Variants in ADGRV1 observed in about 807,000 individuals in gnomAD.
ADGRV1 encodes the protein adhesion G protein-coupled receptor V1, also known as G-protein coupled receptor 98.
A neutral mutation model predicts 596.2 loss-of-function variants in ADGRV1; 359 were observed. The ratio of observed to expected loss-of-function variants is 0.60; its 90% confidence interval spans 0.55 to 0.66. The LOEUF (loss-of-function observed/expected upper bound fraction) is 0.66, where lower values mean the gene tolerates loss of function less well. Among genes scored for constraint, ADGRV1 ranks in the 30% least tolerant of loss-of-function variants. ADGRV1 has a pLI of 0.00. For missense variants in ADGRV1, 7,274 were observed against 7,575.6 expected, an observed-to-expected ratio of 0.96 and a Z score of 1.48; for synonymous variants, 2,681 against 2,679.2, an observed-to-expected ratio of 1.00 and a Z score of -0.02.
intron 85 of ADGRV1, among the ~76,000 whole-genome samples, chr5:90,989,018 A>G (rs1358212803): frequency 6.6e-6 from 1 of 151,842 alleles, no homozygotes; most frequent in Non-Finnish European, 1.5e-5. Context: ...TATGTACCAC[A>G]TTTTCTTAAT....
At chr5:90,973,005 A>G (rs1372635369) in intron 84 of ADGRV1, among the ~76,000 whole-genome samples, 2 of 152,198 alleles carry the variant, frequency 1.3e-5, no homozygotes, top group African/African-American at 2.4e-5. Context: ...TGCAATAAAA[A>G]TTAATAAAGG....
At position 91,043,578 on chromosome 5, in the gene ADGRV1, CTG is replaced by C. The variant is rs148481562; in HGVS notation, c.18153-28866_18153-28865del. 1.6e-3 allele frequency among the ~76,000 whole-genome samples: 251 copies of C among 152,246 alleles called. 2 individuals are homozygous for C. The highest frequency in any genetic ancestry group is 0.014 in the East Asian group (71 of 5,184). ...AACCTTGAGAAGTTAAATAAGCTCT[CTG>C]TGCCTCAGTTCCTCCATTTATAAAA... is the stretch of plus-strand genomic sequence containing the variant. On this transcript the variant is annotated intron_variant, in intron 85 of 89. Coordinates refer to ENST00000405460, the MANE Select transcript of ADGRV1 (RefSeq NM_032119.4).
rs191340281 is a variant in ADGRV1 at position 90,921,354 on chromosome 5, G to A, written c.17857-44061G>A. ...ATTTATTTATTGCTTTTGGTTTCTG[G>A]GGGTCTTGTAATTGACTGCCTTCTC... is the stretch of plus-strand genomic sequence containing the variant. On this transcript the variant is annotated intron_variant, in intron 83 of 89. Coordinates refer to ENST00000405460, the MANE Select transcript of ADGRV1 (RefSeq NM_032119.4). Among the ~76,000 whole-genome samples the A allele has an allele frequency of 6.6e-5, 10 of 151,830 alleles. No individual in the cohort carries two copies. In the East Asian group the frequency reaches 1.9e-3, roughly 29 times the overall value.
chr5:90,676,371 A>G (rs1744222173), intron 25 of ADGRV1, among the ~76,000 whole-genome samples, 162 bp downstream of exon 25: 1 of 152,194 alleles, frequency 6.6e-6, no homozygotes, highest in Non-Finnish European at 1.5e-5. Context: ...ATAATTGCTT[A>G]AGATACATGA....
At chr5:90,726,338 A>G (rs535474728) in intron 48 of ADGRV1, among the ~76,000 whole-genome samples, 11 of 152,304 alleles carry the variant, frequency 7.2e-5, no homozygotes, top group African/African-American at 2.6e-4. Flanking sequence ...TTTGGTTACT[A>G]CAATCAGCCT....
intron 87 of ADGRV1, among the ~76,000 whole-genome samples, chr5:91,113,349 T>C (rs1014800941): frequency 2.0e-5 from 3 of 152,172 alleles, no homozygotes; most frequent in African/African-American, 7.2e-5. Context: ...AAGCAAAAGC[T>C]GTTGCAGGCG....
At chr5:91,039,378 C>T (rs1003558052) in intron 85 of ADGRV1, among the ~76,000 whole-genome samples, 3 of 152,200 alleles carry the variant, frequency 2.0e-5, no homozygotes, top group African/African-American at 7.2e-5. Flanking sequence ...CAGGCCTACA[C>T]GGTCCATCTG....
At chr5:90,924,789 C>T (rs542386270) in intron 83 of ADGRV1, among the ~76,000 whole-genome samples, 105 of 151,966 alleles carry the variant, frequency 6.9e-4, no homozygotes, top group Middle Eastern at 3.4e-3. Flanking sequence ...GTCTTTAATC[C>T]GTCTTGAATT....
intron 89 of ADGRV1, among the ~76,000 whole-genome samples, chr5:91,162,620 A>G (rs1243504402): frequency 6.6e-6 from 1 of 152,194 alleles, no homozygotes; most frequent in East Asian, 1.9e-4. Flanking sequence ...ATCAGAGGAT[A>G]AGATGGGCAA....
chr5:90,615,087 A>AT (rs974898072), intron 2 of ADGRV1, 68 bp downstream of exon 2: 5,199 of 948,268 alleles, frequency 5.5e-3, no homozygotes, highest in South Asian at 8.2e-3. Context: ...AATGGCAAGG[A>AT]TTTTTTTTTT....
intron 31 of ADGRV1, 61 bp downstream of exon 31, chr5:90,691,102 A>T (rs760164759): frequency 1.3e-6 from 2 of 1,582,572 alleles, no homozygotes; most frequent in African/African-American, 1.3e-5. Flanking sequence ...TAGTGACTAG[A>T]ACAGATGGCC....
chr5:90,594,647 G>A (rs1242870420), intron 1 of ADGRV1, among the ~76,000 whole-genome samples: 1 of 148,872 alleles, frequency 6.7e-6, no homozygotes, highest in Non-Finnish European at 1.5e-5. Context: ...CACAGCGTTT[G>A]TGTCCCTGGG....
intron 21 of ADGRV1, among the ~76,000 whole-genome samples, chr5:90,670,880 T>C (rs1270101593): frequency 6.6e-6 from 1 of 152,136 alleles, no homozygotes; most frequent in Non-Finnish European, 1.5e-5. Context: ...TCCTAATACA[T>C]CCTAATACAA....
intron 83 of ADGRV1, among the ~76,000 whole-genome samples, chr5:90,949,634 TCCCA>T (rs1776890208): frequency 2.0e-5 from 3 of 152,192 alleles, no homozygotes; most frequent in Non-Finnish European, 4.4e-5. Context: ...GACATCACCT[TCCCA>T]CTACAGGGAA....
chr5:90,658,359 G>A (rs1769723905), intron 21 of ADGRV1, 81 bp downstream of exon 21: 2 of 1,333,138 alleles, frequency 1.5e-6, no homozygotes, highest in Non-Finnish European at 1.0e-6. Context: ...TCTTTCATTT[G>A]GTAAGATTGG....
chr5:90,783,809 TCA>T (rs1759121760), intron 66 of ADGRV1, 27 bp from the exon 67 acceptor site: 1 of 1,516,582 alleles, frequency 6.6e-7, no homozygotes, highest in South Asian at 1.2e-5. Context: ...ATGTTTAGAC[TCA>T]CAGAATTGCT....
chr5:90,579,248 T>C (rs1757652329), intron 1 of ADGRV1, among the ~76,000 whole-genome samples: 1 of 152,230 alleles, frequency 6.6e-6, no homozygotes, highest in African/African-American at 2.4e-5. Flanking sequence ...CATTTAGTGC[T>C]ATAAATTTCC....
chr5:90,955,179 A>C (rs1256964688), intron 83 of ADGRV1, among the ~76,000 whole-genome samples: 2 of 152,092 alleles, frequency 1.3e-5, no homozygotes, highest in African/African-American at 4.8e-5. Flanking sequence ...CATCCTCTAG[A>C]ACCATGATAA....
chr5:90,612,413 G>A lies in ADGRV1; in HGVS notation c.23-2422G>A, dbSNP rs141973093. Among the ~76,000 whole-genome samples, 491 of 152,114 alleles carry A rather than the reference G, an allele frequency of 3.2e-3. 3 individuals carry two copies. Among genetic ancestry groups the A allele is most frequent in the African/African-American group, 0.011 (461 of 41,530 alleles). On this transcript the variant is annotated intron_variant, in intron 1 of 89. Coordinates refer to ENST00000405460, the MANE Select transcript of ADGRV1 (RefSeq NM_032119.4). ...ATGATCTATCATATTATTCAAGGTG[G>A]TGATGTGTGATTTGTTGAAATAAAA... is the stretch of plus-strand genomic sequence containing the variant.
Sources: allele counts gnomAD v4.1 joint callset (sites outside exome capture counted in the v4.1 genomes callset), GRCh38; gene constraint gnomAD v4.1.1; transcripts MANE v1.5; gene names NCBI Gene and HGNC (gene_info 2026-07-23, HGNC 2026-07-21).